NALF1: variants seen among roughly 807,000 people sequenced by gnomAD.
NALF1 encodes the protein family with sequence similarity 155 member A.
In NALF1, 3 loss-of-function variants were observed where a neutral mutation model predicts 48.4. The ratio of observed to expected loss-of-function variants is 0.06; its 90% confidence interval spans 0.03 to 0.16. The LOEUF is 0.16. Ranked by LOEUF, NALF1 falls within the 10% of genes least tolerant of loss-of-function variation. NALF1 has a pLI of 1.00. For missense variants in NALF1, 526 were observed against 571.5 expected (o/e 0.92, Z 0.81); for synonymous variants, 262 against 245.7 (o/e 1.07, Z -0.62).
chr13:107,166,050 A>C lies in NALF1; in HGVS notation c.*4447T>G, dbSNP rs1878652455. On this transcript the variant is annotated 3_prime_UTR_variant, in exon 3 of 3. Transcript: ENST00000375915. ...TGTGTGTGTGTGTGTGTATGTATAT[A>C]TATCTTTATATCTCTCTAAAGATAT... 1 of 150,972 alleles carries C rather than the reference A, an allele frequency of 6.6e-6. No individual in the cohort carries two copies. Among genetic ancestry groups the C allele is most frequent in the Admixed American group, 6.6e-5 (1 of 15,200 alleles). The allele number at this position is 150,972 out of a possible 1,614,324, so 9.4% of individuals were successfully genotyped here. A position where few individuals can be genotyped will look rare whatever the true frequency, so the allele number is the denominator to read the frequency against.
chr13:107,446,862 C>T (rs1215356258), intron 1 of NALF1, among the ~76,000 whole-genome samples: 3 of 152,132 alleles, frequency 2.0e-5, no homozygotes, highest in Non-Finnish European at 2.9e-5. Flanking sequence ...AGCATTAATG[C>T]TTAAAAATTC....
chr13:107,722,494 T>C (rs1876015627), intron 1 of NALF1, among the ~76,000 whole-genome samples: 1 of 152,160 alleles, frequency 6.6e-6, no homozygotes, highest in Admixed American at 6.5e-5. Flanking sequence ...TTGGGTGTTC[T>C]GGGCACAGGA....
In NALF1 at chr13:107,354,578, G is replaced by A. The variant is rs555907628; in HGVS notation, c.916-143823C>T. Among the ~76,000 whole-genome samples, 4 of 152,210 alleles carry A rather than the reference G, an allele frequency of 2.6e-5. No homozygotes were observed. In the South Asian group the frequency reaches 6.2e-4, roughly 24 times the overall value. On this transcript the variant is annotated intron_variant, in intron 1 of 2. Transcript: ENST00000375915. ...CACCAGGTCCGCCCCCGAACAATAGGTATTACAATTCTATTTTAATGAGAT... is the reference window on the plus strand; with the variant it reads ...CACCAGGTCCGCCCCCGAACAATAGATATTACAATTCTATTTTAATGAGAT...
intron 1 of NALF1, among the ~76,000 whole-genome samples, chr13:107,298,223 G>A (rs553961629): frequency 7.9e-5 from 12 of 151,246 alleles, no homozygotes; most frequent in Middle Eastern, 3.4e-3. Context: ...GTTGGCGGGC[G>A]CCTGTAGTCC....
intron 1 of NALF1, among the ~76,000 whole-genome samples, chr13:107,493,517 A>G (rs1875217696): frequency 1.3e-5 from 2 of 152,114 alleles, no homozygotes; most frequent in African/African-American, 2.4e-5. Context: ...TAAAATCAGC[A>G]GTTAGGAATG....
chr13:107,430,002 C>A (rs9587389), intron 1 of NALF1, among the ~76,000 whole-genome samples: 1 of 152,092 alleles, frequency 6.6e-6, no homozygotes, highest in Non-Finnish European at 1.5e-5. Context: ...CTTTCCTATA[C>A]AAGAGCTGAT....
chr13:107,576,625 G>A (rs1480535814), intron 1 of NALF1, among the ~76,000 whole-genome samples: 1 of 152,304 alleles, frequency 6.6e-6, no homozygotes, highest in Non-Finnish European at 1.5e-5. Context: ...GGAAGGAAAT[G>A]ATTAATTTTC....
At chr13:107,412,314 T>C (rs2139001466) in intron 1 of NALF1, among the ~76,000 whole-genome samples, 1 of 152,304 alleles carries the variant, frequency 6.6e-6, no homozygotes. Context: ...ATCACTTTCA[T>C]TTAGTGAATA....
intron 1 of NALF1, among the ~76,000 whole-genome samples, chr13:107,421,217 G>T (rs113435752): frequency 0.02 from 3,105 of 152,150 alleles, 39 homozygotes; most frequent in South Asian, 0.029. Flanking sequence ...ATTGGTCTTC[G>T]TAGAGCTCAG....
chr13:107,219,808 C>CA (rs1282427222), intron 1 of NALF1, among the ~76,000 whole-genome samples: 5 of 151,186 alleles, frequency 3.3e-5, no homozygotes, highest in Non-Finnish European at 7.4e-5. Context: ...TAGAAATGGG[C>CA]AAAAAAAAGA....
At chr13:107,727,635 TA>T (rs1462828025) in intron 1 of NALF1, among the ~76,000 whole-genome samples, 1 of 152,118 alleles carries the variant, frequency 6.6e-6, no homozygotes, top group African/African-American at 2.4e-5. Flanking sequence ...ACTTCATGAC[TA>T]AAACACCAAA....
intron 1 of NALF1, among the ~76,000 whole-genome samples, chr13:107,522,421 T>A (rs1386209995): frequency 6.6e-6 from 1 of 152,174 alleles, no homozygotes; most frequent in Non-Finnish European, 1.5e-5. Flanking sequence ...AAGAAATTCA[T>A]CCATCCCTAA....
intron 1 of NALF1, among the ~76,000 whole-genome samples, chr13:107,229,830 A>G (rs1257840432): frequency 6.6e-6 from 1 of 152,212 alleles, no homozygotes; most frequent in East Asian, 1.9e-4. Flanking sequence ...GGGGTTTCCC[A>G]GGTTCACTCC....
chr13:107,326,767 G>T (rs17375444), intron 1 of NALF1, among the ~76,000 whole-genome samples: 3,272 of 152,330 alleles, frequency 0.021, 59 homozygotes, highest in Non-Finnish European at 0.031. Flanking sequence ...TCAGCATGGT[G>T]CCCAGGGATA....
intron 1 of NALF1, among the ~76,000 whole-genome samples, chr13:107,841,374 A>G (rs1880038451): frequency 1.3e-5 from 2 of 152,128 alleles, no homozygotes; most frequent in South Asian, 4.1e-4. Flanking sequence ...GAGCTGGTCA[A>G]AGACAAAGAT....
intron 1 of NALF1, among the ~76,000 whole-genome samples, chr13:107,714,968 A>G (rs1875708162): frequency 6.6e-6 from 1 of 152,098 alleles, no homozygotes; most frequent in Admixed American, 6.5e-5. Context: ...AAGTGTTTAG[A>G]AGGGTTTTTT....
intron 1 of NALF1, among the ~76,000 whole-genome samples, chr13:107,346,222 G>A (rs965983319): frequency 6.6e-6 from 1 of 152,014 alleles, no homozygotes. Flanking sequence ...AGCAAGAAAG[G>A]CCCTCAAAAT....
chr13:107,210,422 G>A (rs1047066372), intron 2 of NALF1, among the ~76,000 whole-genome samples, 162 bp downstream of exon 2: 6 of 152,162 alleles, frequency 3.9e-5, no homozygotes, highest in Non-Finnish European at 5.9e-5. Context: ...TTCCAGACCT[G>A]TTGAGGGGAG....
chr13:107,786,754 GAA>G (rs1263461858), intron 1 of NALF1, among the ~76,000 whole-genome samples: 1 of 150,402 alleles, frequency 6.6e-6, no homozygotes, highest in Non-Finnish European at 1.5e-5. Flanking sequence ...GAGAGAGAGA[GAA>G]AGAGAGAGAG....
Sources: gnomAD v4.1 joint callset for allele counts (sites outside exome capture counted in the v4.1 genomes callset) on GRCh38, gnomAD v4.1.1 for gene constraint, MANE v1.5 for transcripts, NCBI Gene and HGNC (gene_info 2026-07-23, HGNC 2026-07-21) for gene names.